Variants in MYO16 observed in about 807,000 individuals in gnomAD.
MYO16 encodes myosin XVI, also known as unconventional myosin-XVI.
MYO16 carries 94 observed loss-of-function variants against 205.3 expected under a neutral mutation model. The observed-to-expected ratio is 0.46, with a 90% CI of 0.39 to 0.54. The LOEUF is 0.54. MYO16 is among the 20% of genes least tolerant of loss of function. The pLI, the probability that MYO16 is intolerant of heterozygous loss-of-function variation, is 0.00. For synonymous variants in MYO16, 988 were observed against 954.0 expected (o/e 1.04, Z -0.66); for missense variants, 2,315 against 2,387.5 (o/e 0.97, Z 0.63).
At chr13:108,930,518 G>T (rs1363613467) in intron 16 of MYO16, among the ~76,000 whole-genome samples, 2 of 152,072 alleles carry the variant, frequency 1.3e-5, no homozygotes, top group Non-Finnish European at 1.5e-5. Context: ...AGTAAAAAAA[G>T]AAAAGTCAAT....
intron 9 of MYO16, among the ~76,000 whole-genome samples, chr13:108,832,599 C>G (rs997411795): frequency 6.6e-6 from 1 of 152,158 alleles, no homozygotes; most frequent in East Asian, 1.9e-4. Flanking sequence ...TAAAATGTCC[C>G]AGTTGGCACC....
chr13:108,520,025 A>G, the MYO16 span, among the ~76,000 whole-genome samples: 1 of 152,290 alleles, frequency 6.6e-6, no homozygotes, highest in Non-Finnish European at 1.5e-5. Context: ...ACTTACTAGA[A>G]TTATTTTTGA....
At chr13:108,716,959 G>A (rs1883967330) in intron 3 of MYO16, among the ~76,000 whole-genome samples, 1 of 151,980 alleles carries the variant, frequency 6.6e-6, no homozygotes, top group African/African-American at 2.4e-5. Context: ...CATATGGCAG[G>A]TATCAGGTAC....
chr13:108,972,351 CATAT>C (rs869041443), intron 20 of MYO16, among the ~76,000 whole-genome samples: 737 of 17,442 alleles, frequency 0.042, 202 homozygotes, highest in Middle Eastern at 0.14. Flanking sequence ...TATATATAGC[CATAT>C]ATATATATAT....
At chr13:108,606,527 C>T (rs1878964674) in intron 1 of MYO16, among the ~76,000 whole-genome samples, 1 of 152,186 alleles carries the variant, frequency 6.6e-6, no homozygotes, top group Admixed American at 6.5e-5. Context: ...TATTTGTCCT[C>T]TGGGTACACG....
At chr13:108,941,493 A>G (rs535110622) in intron 16 of MYO16, among the ~76,000 whole-genome samples, 4 of 152,176 alleles carry the variant, frequency 2.6e-5, no homozygotes, top group South Asian at 4.1e-4. Flanking sequence ...CCTGGCCAAC[A>G]TGGTGAAACC....
the MYO16 span, among the ~76,000 whole-genome samples, chr13:108,587,896 G>C: frequency 6.9e-6 from 1 of 145,796 alleles, no homozygotes; most frequent in Non-Finnish European, 1.5e-5. Flanking sequence ...TCTCAGAAAA[G>C]ACAAATATAT....
rs143708194 is a variant in MYO16, at chr13:109,151,682, C to T, written c.5164+10306C>T. Among the ~76,000 whole-genome samples, 227 of 152,246 alleles carry T rather than the reference C, an allele frequency of 1.5e-3. 2 individuals carry two copies. The highest frequency in any genetic ancestry group is 4.0e-3 in the African/African-American group (168 of 41,534). On this transcript the variant is annotated intron_variant, in intron 32 of 34. Transcript: ENST00000457511. ...GCACAATTGGTACATGAGGGTGTGT[C>T]CCTGAAAAATATGTATGTTTTGGAT...
At chr13:109,023,330 TATAA>T (rs1282973180) in intron 23 of MYO16, among the ~76,000 whole-genome samples, 3 of 73,038 alleles carry the variant, frequency 4.1e-5, no homozygotes, top group Non-Finnish European at 4.7e-5. Context: ...ATTATACAGA[TATAA>T]ATATATATTT....
At chr13:109,111,901 T>G (rs986775995) in intron 28 of MYO16, among the ~76,000 whole-genome samples, 5 of 152,166 alleles carry the variant, frequency 3.3e-5, no homozygotes, top group African/African-American at 1.2e-4. Flanking sequence ...TTAGCCAGGA[T>G]GGTCTCAATC....
chr13:109,116,788 G>A (rs1875711325), intron 28 of MYO16, among the ~76,000 whole-genome samples: 1 of 152,166 alleles, frequency 6.6e-6, no homozygotes, highest in Non-Finnish European at 1.5e-5. Context: ...CTAGCCATGG[G>A]TTGAGATAAT....
At chr13:109,019,998 G>A (rs1431054331) in intron 23 of MYO16, 87 bp downstream of exon 23, 6 of 1,348,296 alleles carry the variant, frequency 4.5e-6, no homozygotes, top group Admixed American at 2.4e-5. Context: ...ATATTTTAAG[G>A]TGTGTTATTT....
intron 16 of MYO16, among the ~76,000 whole-genome samples, chr13:108,951,464 A>G (rs1467931648): frequency 6.6e-6 from 1 of 152,200 alleles, no homozygotes; most frequent in African/African-American, 2.4e-5. Context: ...CGCCTTCCCC[A>G]GGGCCTGTAT....
chr13:108,971,592 T>C (rs999078113), intron 20 of MYO16, among the ~76,000 whole-genome samples: 3 of 151,508 alleles, frequency 2.0e-5, no homozygotes, highest in African/African-American at 7.3e-5. Flanking sequence ...ATTATGTATA[T>C]TAATACATTA....
intron 16 of MYO16, among the ~76,000 whole-genome samples, chr13:108,951,420 C>T (rs933337715): frequency 2.0e-5 from 3 of 152,164 alleles, no homozygotes; most frequent in Admixed American, 6.5e-5. Flanking sequence ...TGATGATGAA[C>T]ACTGTGAGGG....
At chr13:108,532,668 G>C in the MYO16 span, among the ~76,000 whole-genome samples, 1 of 151,976 alleles carries the variant, frequency 6.6e-6, no homozygotes, top group Non-Finnish European at 1.5e-5. Flanking sequence ...GCACGTGTCT[G>C]TGGTTCCAGC....
At chr13:108,818,730 AG>A in intron 7 of MYO16, among the ~76,000 whole-genome samples, 1 of 152,338 alleles carries the variant, frequency 6.6e-6, no homozygotes, top group East Asian at 1.9e-4. Context: ...AGAGAATAAA[AG>A]GAAAAGCACA....
intron 15 of MYO16, among the ~76,000 whole-genome samples, chr13:108,906,440 T>G (rs1880981624): frequency 6.6e-6 from 1 of 151,970 alleles, no homozygotes; most frequent in South Asian, 2.1e-4. Context: ...TTGCTTTGTG[T>G]TTTTTTCCCC....
At chr13:109,023,029 TTATA>T (rs1314390347) in intron 23 of MYO16, among the ~76,000 whole-genome samples, 5 of 134,754 alleles carry the variant, frequency 3.7e-5, no homozygotes, top group African/African-American at 1.3e-4. Flanking sequence ...ATGTATATAT[TTATA>T]TATTAATACA....
Sources: gnomAD v4.1 joint callset for allele counts (sites outside exome capture counted in the v4.1 genomes callset) on GRCh38, gnomAD v4.1.1 for gene constraint, MANE v1.5 for transcripts, NCBI Gene and HGNC (gene_info 2026-07-23, HGNC 2026-07-21) for gene names.